LRRTM4: variants seen among roughly 807,000 people sequenced by gnomAD.
LRRTM4 encodes leucine rich repeat transmembrane neuronal 4.
A neutral mutation model predicts 47.6 loss-of-function variants in LRRTM4; 25 were observed. That is an observed-to-expected ratio of 0.53 (90% CI 0.38 to 0.73). The LOEUF (loss-of-function observed/expected upper bound fraction) is 0.73, where lower values mean the gene tolerates loss of function less well. Ranked by LOEUF, LRRTM4 falls within the 30% of genes least tolerant of loss-of-function variation. The pLI is 0.00. For missense variants in LRRTM4, 638 were observed against 713.4 expected (o/e 0.89, Z 1.20); for synonymous variants, 311 against 269.5 (o/e 1.15, Z -1.51).
At chr2:77,152,993 T>C (rs1191169392) in intron 3 of LRRTM4, among the ~76,000 whole-genome samples, 1 of 152,174 alleles carries the variant, frequency 6.6e-6, no homozygotes, top group Non-Finnish European at 1.5e-5. Flanking sequence ...ATTCTATAAT[T>C]AACTATATTC....
intron 3 of LRRTM4, among the ~76,000 whole-genome samples, chr2:77,181,006 A>G (rs1003807842): frequency 2.0e-5 from 3 of 152,204 alleles, no homozygotes; most frequent in Non-Finnish European, 2.9e-5. Flanking sequence ...AAAGATTTAG[A>G]AAAATAAATA....
rs182560873 is a variant in LRRTM4 at position 76,993,349 on chromosome 2, G to A, written c.1552-244433C>T. ...ATCAACAGAATGGAAGAAAATACTTGCAAACTATGTATCTGACAAAGATCT... is the reference window on the plus strand; with the variant it reads ...ATCAACAGAATGGAAGAAAATACTTACAAACTATGTATCTGACAAAGATCT... On this transcript the variant is annotated intron_variant, in intron 3 of 3. Coordinates refer to ENST00000409884, the MANE Select transcript of LRRTM4 (RefSeq NM_001134745.3). 2.2e-3 allele frequency among the ~76,000 whole-genome samples: 337 copies of A among 151,904 alleles called. 1 individual carries two copies. Among genetic ancestry groups the A allele is most frequent in the African/African-American group, 8.0e-3 (332 of 41,502 alleles).
chr2:77,069,174 CTG>C (rs752000024), intron 3 of LRRTM4, among the ~76,000 whole-genome samples: 2 of 152,198 alleles, frequency 1.3e-5, no homozygotes, highest in South Asian at 2.1e-4. Flanking sequence ...CTCTATATTT[CTG>C]TGTGTGTGTC....
rs189232499 is a variant in LRRTM4 at position 77,436,719 on chromosome 2, T to G, written c.1551+81599A>C. On this transcript the variant is annotated intron_variant, in intron 3 of 3. Coordinates refer to ENST00000409884, the MANE Select transcript of LRRTM4 (RefSeq NM_001134745.3). Reference sequence around the variant, plus strand: ...AAAAAGGAAGTAAAGACATAACCAATACATTAATTTCTGCTTTTAGTTCTA... The same window carrying G: ...AAAAAGGAAGTAAAGACATAACCAAGACATTAATTTCTGCTTTTAGTTCTA... Among the ~76,000 whole-genome samples, 360 of 151,910 alleles carry G rather than the reference T, an allele frequency of 2.4e-3. 1 individual carries two copies. Among genetic ancestry groups the G allele is most frequent in the African/African-American group, 8.0e-3 (334 of 41,546 alleles).
Position 77,406,320 on chromosome 2 carries a change from A to T in LRRTM4, c.1551+111998T>A, listed in dbSNP as rs1413969492. Among the ~76,000 whole-genome samples the T allele has an allele frequency of 3.3e-5, 5 of 152,030 alleles. No individual in the cohort carries two copies. The East Asian group carries it at 9.7e-4, about 29-fold the overall frequency. Reference sequence around the variant, plus strand: ...TATAACAGGGACTCTTACATGCATTATCTATTATTATTATTATTAGAGACA... The same window carrying T: ...TATAACAGGGACTCTTACATGCATTTTCTATTATTATTATTATTAGAGACA... On this transcript the variant is annotated intron_variant, in intron 3 of 3. Transcript: ENST00000409884.
intron 3 of LRRTM4, among the ~76,000 whole-genome samples, chr2:77,459,289 A>C (rs1676684960): frequency 6.6e-6 from 1 of 152,100 alleles, no homozygotes; most frequent in Non-Finnish European, 1.5e-5. Context: ...CTTCAGGGGT[A>C]GTAAAATTGA....
At chr2:77,068,637 G>A (rs1680042059) in intron 3 of LRRTM4, among the ~76,000 whole-genome samples, 1 of 152,130 alleles carries the variant, frequency 6.6e-6, no homozygotes, top group Non-Finnish European at 1.5e-5. Flanking sequence ...ACTATGTTAT[G>A]GTACTTCATT....
intron 3 of LRRTM4, among the ~76,000 whole-genome samples, chr2:76,808,099 A>C (rs1670607982): frequency 6.6e-6 from 1 of 151,562 alleles, no homozygotes; most frequent in Non-Finnish European, 1.5e-5. Flanking sequence ...AACTCACTGC[A>C]ACCTCCACCT....
At chr2:77,422,402 T>C (rs755229561) in intron 3 of LRRTM4, among the ~76,000 whole-genome samples, 5 of 152,146 alleles carry the variant, frequency 3.3e-5, no homozygotes, top group Admixed American at 6.5e-5. Context: ...GATGCAGAAA[T>C]GTAATAAATG....
rs752108573 is a variant in LRRTM4, at chr2:77,486,441, G to A, written c.1551+31877C>T. The stretch of plus-strand genomic sequence containing the variant: ...TCAATTGGAATGTAATGTAATATAA[G>A]AAACTGTAATGTACTCATTTTGCAC... On this transcript the variant is annotated intron_variant, in intron 3 of 3. Coordinates refer to ENST00000409884, the MANE Select transcript of LRRTM4 (RefSeq NM_001134745.3). Among the ~76,000 whole-genome samples, 90 of 152,114 alleles carry A rather than the reference G, an allele frequency of 5.9e-4. 1 individual carries two copies. The highest frequency in any genetic ancestry group is 9.9e-4 in the Non-Finnish European group (67 of 67,990).
intron 3 of LRRTM4, among the ~76,000 whole-genome samples, chr2:76,811,943 C>A (rs569279592): frequency 6.6e-6 from 1 of 152,242 alleles, no homozygotes; most frequent in South Asian, 2.1e-4. Context: ...TAGGTTTACT[C>A]CTTTACTTTT....
chr2:77,136,770 G>C (rs959783568), intron 3 of LRRTM4, among the ~76,000 whole-genome samples: 1 of 150,368 alleles, frequency 6.7e-6, no homozygotes, highest in Admixed American at 6.6e-5. Context: ...CCAGTGTAGA[G>C]AAGTCCTTAA....
intron 3 of LRRTM4, among the ~76,000 whole-genome samples, chr2:76,783,464 GC>G (rs1674504956): frequency 6.6e-6 from 1 of 151,926 alleles, no homozygotes; most frequent in Non-Finnish European, 1.5e-5. Context: ...ACATTGTTGT[GC>G]CACATCATGA....
chr2:76,833,224 G>C (rs1671404690), intron 3 of LRRTM4, among the ~76,000 whole-genome samples: 1 of 152,074 alleles, frequency 6.6e-6, no homozygotes, highest in Admixed American at 6.6e-5. Flanking sequence ...CATAAAGGGT[G>C]AAGAGTTTTA....
At chr2:76,805,447 G>T (rs986042266) in intron 3 of LRRTM4, among the ~76,000 whole-genome samples, 2 of 152,082 alleles carry the variant, frequency 1.3e-5, no homozygotes, top group African/African-American at 4.8e-5. Flanking sequence ...AGGGGCTCAA[G>T]TAACATATAT....
At chr2:77,253,755 GA>G (rs1280657210) in intron 3 of LRRTM4, among the ~76,000 whole-genome samples, 1 of 151,968 alleles carries the variant, frequency 6.6e-6, no homozygotes, top group East Asian at 1.9e-4. Context: ...AAAAGAATAT[GA>G]AGAGAGTATA....
At chr2:76,872,642 G>A (rs1011213051) in intron 3 of LRRTM4, among the ~76,000 whole-genome samples, 11 of 151,994 alleles carry the variant, frequency 7.2e-5, no homozygotes, top group African/African-American at 1.9e-4. Flanking sequence ...CTAACTTCCT[G>A]AGGGCGTGTA....
Position 76,807,473 on chromosome 2 carries a change from TATATATATATATAC to T in LRRTM4, c.1552-58571_1552-58558del, listed in dbSNP as rs1261483895. On this transcript the variant is annotated intron_variant, in intron 3 of 3. Transcript: ENST00000409884. ...ATATATATATACATATATATATACA[TATATATATATATAC>T]ATATATATATATATAGGCAAAGTTA... Among the ~76,000 whole-genome samples, 7 of 106,620 alleles carry T rather than the reference TATATATATATATAC, an allele frequency of 6.6e-5. No individual in the cohort carries two copies. In the South Asian group the frequency reaches 1.9e-3, roughly 28 times the overall value. 69.9% of individuals were successfully genotyped at this position (106,620 alleles called of 152,430 possible). A position where few individuals can be genotyped will look rare whatever the true frequency, so the allele number is the denominator to read the frequency against.
At chr2:76,931,745 T>C (rs1674776040) in intron 3 of LRRTM4, among the ~76,000 whole-genome samples, 1 of 151,948 alleles carries the variant, frequency 6.6e-6, no homozygotes, top group Non-Finnish European at 1.5e-5. Context: ...TCCAACGTAC[T>C]TTTTTCTGTC....
Sources: allele counts gnomAD v4.1 joint callset (sites outside exome capture counted in the v4.1 genomes callset), GRCh38; gene constraint gnomAD v4.1.1; transcripts MANE v1.5; gene names NCBI Gene and HGNC (gene_info 2026-07-23, HGNC 2026-07-21).